JAK1: variants seen among roughly 807,000 people sequenced by gnomAD.
JAK1 encodes the protein tyrosine-protein kinase JAK1.
Under a neutral mutation model 136.6 loss-of-function variants are expected in JAK1, and 16 were observed. The ratio of observed to expected loss-of-function variants is 0.12; its 90% CI spans 0.08 to 0.18. JAK1 has a LOEUF of 0.18. Ranked by LOEUF, JAK1 falls within the 10% of genes least tolerant of loss-of-function variation. The probability of loss-of-function intolerance (pLI) is 1.00; values close to 1 mark genes in which losing one functional copy is unlikely to be tolerated. For synonymous variants in JAK1, 492 were observed against 519.5 expected (o/e 0.95, Z 0.72); for missense variants, 859 against 1,450.1 (o/e 0.59, Z 6.62).
chr1:64,989,912 G>A (rs1646639193), intron 2 of JAK1: 1 of 152,148 alleles, frequency 6.6e-6, no homozygotes, highest in Non-Finnish European at 1.5e-5. Flanking sequence ...GTTGAAGGAG[G>A]GCCCCAGTAC....
At position 64,992,286 on chromosome 1, in the gene JAK1, A is replaced by C. The variant is rs371880461; in HGVS notation, c.-78+52194T>G. 2.0e-4 allele frequency: 30 copies of C among 152,318 alleles called. 5 individuals are homozygous for C. Among genetic ancestry groups the C allele is most frequent in the Admixed American group, 3.3e-4 (5 of 15,294 alleles). 9.4% of individuals were successfully genotyped at this position (152,318 alleles called of 1,614,324 possible). On this transcript the variant is annotated intron_variant, in intron 2 of 25. Transcript: ENST00000671954. The stretch of plus-strand genomic sequence containing the variant: ...TCCAAGCTACTCAGGAGGCTGAGGC[A>C]CAAGAATCACTTGAACCCGGGAGGT...
At chr1:64,923,610 A>G (rs553483998) in intron 1 of JAK1, among the ~76,000 whole-genome samples, 11 of 152,332 alleles carry the variant, frequency 7.2e-5, no homozygotes, top group African/African-American at 2.6e-4. Flanking sequence ...AAACCACTGT[A>G]ACCACTTCAC....
At chr1:64,985,025 A>C in intron 2 of JAK1, 1 of 856,792 alleles carries the variant, frequency 1.2e-6, no homozygotes, top group Non-Finnish European at 2.0e-6. Flanking sequence ...CATTACACTC[A>C]TCCTTCAATA....
intron 17 of JAK1, 112 bp from the exon 18 acceptor site, chr1:64,841,713 A>G: frequency 9.2e-7 from 1 of 1,089,674 alleles, no homozygotes; most frequent in Non-Finnish European, 1.4e-6. Flanking sequence ...ATCTCCACTT[A>G]CAGGTAGATT....
intron 2 of JAK1, among the ~76,000 whole-genome samples, chr1:64,983,720 C>T (rs1304767642): frequency 6.6e-6 from 1 of 152,162 alleles, no homozygotes; most frequent in African/African-American, 2.4e-5. Context: ...CCCTGGACTC[C>T]ATCCAAAATT....
chr1:64,978,648 C>A (rs766825624), intron 2 of JAK1, among the ~76,000 whole-genome samples: 8 of 152,138 alleles, frequency 5.3e-5, no homozygotes, highest in Non-Finnish European at 1.0e-4. Context: ...AAAATCCATT[C>A]AGTTTTACAG....
intron 11 of JAK1, among the ~76,000 whole-genome samples, chr1:64,853,098 G>C (rs1047864372): frequency 1.3e-5 from 2 of 152,182 alleles, no homozygotes; most frequent in African/African-American, 4.8e-5. Flanking sequence ...TCAGGGTCTG[G>C]CTATCAAAAC....
chr1:65,019,262 T>C (rs1646917202), intron 2 of JAK1, among the ~76,000 whole-genome samples: 1 of 152,060 alleles, frequency 6.6e-6, no homozygotes, highest in Non-Finnish European at 1.5e-5. Context: ...AAAATAAAAT[T>C]ACAATCTAAT....
intron 1 of JAK1, among the ~76,000 whole-genome samples, chr1:64,926,374 AC>A (rs1645582973): frequency 2.2e-5 from 1 of 46,468 alleles, no homozygotes; most frequent in Non-Finnish European, 4.2e-5. Context: ...CCCTCCCCCC[AC>A]CCCCAAGTGG....
intron 5 of JAK1, 55 bp from the exon 6 acceptor site, chr1:64,869,529 A>G: frequency 6.7e-7 from 1 of 1,500,536 alleles, no homozygotes; most frequent in Non-Finnish European, 9.2e-7. Context: ...TCTTGACAAG[A>G]AGGCTACTAC....
At chr1:64,935,604 A>G (rs1229902535) in intron 1 of JAK1, among the ~76,000 whole-genome samples, 1 of 152,086 alleles carries the variant, frequency 6.6e-6, no homozygotes, top group African/African-American at 2.4e-5. Flanking sequence ...CCCAGCCCAT[A>G]ATTCATCTTT....
intron 1 of JAK1, among the ~76,000 whole-genome samples, chr1:65,063,674 A>G (rs963260171): frequency 2.6e-5 from 4 of 152,008 alleles, no homozygotes; most frequent in African/African-American, 4.8e-5. Context: ...GCGTGGTGGC[A>G]CACACCTGTA....
chr1:65,000,879 T>G (rs1646749416), intron 2 of JAK1, among the ~76,000 whole-genome samples: 1 of 151,674 alleles, frequency 6.6e-6, no homozygotes, highest in Admixed American at 6.6e-5. Context: ...GGCGGTTGGA[T>G]TTTTGTTTTG....
intron 5 of JAK1, among the ~76,000 whole-genome samples, 160 bp from the exon 6 acceptor site, chr1:64,869,634 G>A (rs1279653120): frequency 1.3e-5 from 2 of 152,188 alleles, no homozygotes; most frequent in African/African-American, 4.8e-5. Flanking sequence ...AGAGTTGGGT[G>A]TGAAGGGGCT....
intron 19 of JAK1, 44 bp downstream of exon 19, chr1:64,841,201 G>C (rs761220479): frequency 7.5e-7 from 1 of 1,339,682 alleles, no homozygotes; most frequent in Admixed American, 1.7e-5. Flanking sequence ...TGTGGATGGC[G>C]GAGGGCTCTG....
intron 1 of JAK1, chr1:65,057,703 G>A (rs1473829415): frequency 6.5e-6 from 1 of 154,802 alleles, no homozygotes; most frequent in Non-Finnish European, 1.5e-5. Flanking sequence ...TCATGCACGT[G>A]ATGCTGGCTT....
intron 11 of JAK1, among the ~76,000 whole-genome samples, chr1:64,852,146 C>T (rs568807925): frequency 5.9e-5 from 9 of 152,350 alleles, no homozygotes; most frequent in South Asian, 4.1e-4. Flanking sequence ...CCATGCCAGC[C>T]GGTGTTCTAT....
chr1:64,857,509 GC>G, intron 10 of JAK1, 146 bp downstream of exon 10: 2 of 1,088,244 alleles, frequency 1.8e-6, no homozygotes, highest in Non-Finnish European at 2.6e-6. Context: ...AGGGGCCCTT[GC>G]CTGACCTCCC....
At chr1:65,006,078 G>A (rs1306776510) in intron 2 of JAK1, among the ~76,000 whole-genome samples, 1 of 152,162 alleles carries the variant, frequency 6.6e-6, no homozygotes, top group Non-Finnish European at 1.5e-5. Context: ...GGCTTTCTAA[G>A]CAAGAGAGAT....
Sources: allele counts gnomAD v4.1 joint callset (sites outside exome capture counted in the v4.1 genomes callset), GRCh38; gene constraint gnomAD v4.1.1; transcripts MANE v1.5; gene names NCBI Gene and HGNC (gene_info 2026-07-23, HGNC 2026-07-21).